Variants in XKRX observed in about 807,000 individuals in gnomAD.
XKRX encodes the protein XK-related protein 2.
Under a neutral mutation model 22.4 loss-of-function variants are expected in XKRX, and 11 were observed. That is an observed-to-expected ratio of 0.49 (90% CI 0.31 to 0.81). The LOEUF is 0.81. XKRX is among the 40% of genes least tolerant of loss of function. The pLI is 0.05. For synonymous variants in XKRX, 114 were observed against 132.2 expected, an observed-to-expected ratio of 0.86 and a Z score of 0.94; for missense variants, 320 against 336.5, an observed-to-expected ratio of 0.95 and a Z score of 0.38.
At chrX:100,897,475 C>G in the XKRX span, among the ~76,000 whole-genome samples, 103 of 105,693 alleles carry the variant, frequency 9.7e-4, no homozygotes, top group Non-Finnish European at 6.4e-4. Context: ...GTCCTGGCTA[C>G]TCGGGAGGCT....
chrX:100,907,825 T>C, the XKRX span, among the ~76,000 whole-genome samples: 3 of 111,779 alleles, frequency 2.7e-5, no homozygotes, highest in African/African-American at 6.5e-5. Context: ...ATACCAATAA[T>C]GTGTGAGAGT....
the XKRX span, chrX:100,957,402 C>T: frequency 3.3e-6 from 4 of 1,206,855 alleles, no homozygotes; most frequent in Non-Finnish European, 4.5e-6. Context: ...GACCCCCGAG[C>T]AGTACCGCAT....
chrX:100,930,464 GT>G (rs2085517923), upstream of XKRX, among the ~76,000 whole-genome samples: 2 of 109,530 alleles, frequency 1.8e-5, no homozygotes, highest in Admixed American at 2.0e-4. Context: ...GTTGTTTTTT[GT>G]TTTTTTAAGG....
the XKRX span, among the ~76,000 whole-genome samples, chrX:100,947,564 G>A: frequency 1.8e-5 from 2 of 111,988 alleles, no homozygotes; most frequent in African/African-American, 6.5e-5. Context: ...AAAAATAGCA[G>A]GGAACCAAAT....
At chrX:100,893,943 C>T in the XKRX span, among the ~76,000 whole-genome samples, 6 of 112,290 alleles carry the variant, frequency 5.3e-5, no homozygotes, top group Non-Finnish European at 1.1e-4. Context: ...AACAAACATA[C>T]ACATGTACTA....
the XKRX span, among the ~76,000 whole-genome samples, chrX:100,938,472 C>T: frequency 9.0e-6 from 1 of 110,809 alleles, no homozygotes. Context: ...CTACTAAAAA[C>T]GTAAAAATTA....
the XKRX span, among the ~76,000 whole-genome samples, chrX:100,908,415 C>G: frequency 9.0e-6 from 1 of 111,436 alleles, no homozygotes; most frequent in Non-Finnish European, 1.9e-5. Flanking sequence ...CTGCGCCCGG[C>G]CAGAATGTGT....
At chrX:100,908,106 A>AGTGTGTGTGTGTGTATGTGTGT in the XKRX span, among the ~76,000 whole-genome samples, 1 of 86,976 alleles carries the variant, frequency 1.1e-5, no homozygotes, top group African/African-American at 4.4e-5. Context: ...TCATGCATGG[A>AGTGTGTGTGTGTGTATGTGTGT]GTGTGTGTGT....
At chrX:100,900,992 G>A in the XKRX span, among the ~76,000 whole-genome samples, 16 of 109,546 alleles carry the variant, frequency 1.5e-4, no homozygotes, top group East Asian at 5.8e-4. Context: ...GGGTTTTACC[G>A]TGTTAGCCAG....
chrX:100,917,694 G>GA (rs1259843343), intron 2 of XKRX, among the ~76,000 whole-genome samples: 4 of 99,878 alleles, frequency 4.0e-5, no homozygotes, highest in African/African-American at 1.6e-4. Context: ...AAGAAAGAAA[G>GA]AAAGAAAGAA....
chrX:100,903,696 G>C, the XKRX span, among the ~76,000 whole-genome samples: 1 of 111,671 alleles, frequency 9.0e-6, no homozygotes, highest in Non-Finnish European at 1.9e-5. Context: ...ATTCCTTAAT[G>C]ACATATGATG....
In XKRX at chrX:100,917,698, G is replaced by GA. The variant is rs1310336927; in HGVS notation, c.605-2616dup. On this transcript the variant is annotated intron_variant, in intron 2 of 2. Transcript: ENST00000372956. ...GAAAAGAAAGAAAGAAAGAAAGAAA[G>GA]AAAGAAAGAAAGAAAGAAAGAAAGA... is the stretch of plus-strand genomic sequence containing the variant. Among the ~76,000 whole-genome samples the GA allele has an allele frequency of 3.8e-3, 384 of 102,168 alleles. 4 individuals carry two copies. The highest frequency in any genetic ancestry group is 0.014 in the African/African-American group (369 of 26,662). The allele number at this position is 102,168 out of a possible 115,157, so 88.7% of individuals were successfully genotyped here.
the XKRX span, among the ~76,000 whole-genome samples, chrX:100,893,780 A>G: frequency 2.9e-3 from 320 of 111,737 alleles, no homozygotes; most frequent in African/African-American, 0.01. Flanking sequence ...CATGGACATA[A>G]AGATGGGGCA....
chrX:100,928,663 C>T lies in XKRX; in HGVS notation c.-359G>A, dbSNP rs939049130. ...GAAGAGTCATGAGAACAGCGGCTTC[C>T]GTGGCGGCTCCTTTCGCAGCCCCTC... On this transcript the variant is annotated 5_prime_UTR_variant, in exon 1 of 3. Coordinates refer to ENST00000372956, the MANE Select transcript of XKRX (RefSeq NM_212559.3). The T allele has an allele frequency of 2.1e-4, 164 of 797,357 alleles. No homozygotes were observed. The highest frequency in any genetic ancestry group is 2.9e-4 in the Admixed American group (4 of 13,964). The allele number at this position is 797,357 out of a possible 1,213,427, so 65.7% of individuals were successfully genotyped here.
At chrX:100,891,804 T>A in the XKRX span, among the ~76,000 whole-genome samples, 142 of 47,165 alleles carry the variant, frequency 3.0e-3, no homozygotes, top group Middle Eastern at 0.011. Context: ...AGAAAGTAAG[T>A]TAAAAAAATT....
At chrX:100,925,333 T>G in intron 1 of XKRX, among the ~76,000 whole-genome samples, 1 of 112,454 alleles carries the variant, frequency 8.9e-6, no homozygotes, top group East Asian at 2.8e-4. Flanking sequence ...ACCCAGACTC[T>G]ACAAGCACCT....
At chrX:100,910,510 G>A (rs149128500), downstream of XKRX, among the ~76,000 whole-genome samples, 1,326 of 108,819 alleles carry the variant, frequency 0.012, 22 homozygotes, top group African/African-American at 0.042. Flanking sequence ...ACTTGAACCC[G>A]GGAGGTGGAG....
chrX:100,904,437 TATG>T, the XKRX span, among the ~76,000 whole-genome samples: 1 of 112,681 alleles, frequency 8.9e-6, no homozygotes, highest in African/African-American at 3.2e-5. Context: ...TGACATTGGA[TATG>T]ATGATGACCT....
At chrX:100,917,674 A>AAAGAAAGGAAAGAAAGAAAGAAAG (rs34196882) in intron 2 of XKRX, among the ~76,000 whole-genome samples, 1 of 25,413 alleles carries the variant, frequency 3.9e-5, no homozygotes, top group African/African-American at 1.8e-4. Context: ...AGAAAGAAAG[A>AAAGAAAGGAAAGAAAGAAAGAAAG]AAAGAAAGAA....
Sources: gnomAD v4.1 joint callset for allele counts (sites outside exome capture counted in the v4.1 genomes callset) on GRCh38, gnomAD v4.1.1 for gene constraint, MANE v1.5 for transcripts, NCBI Gene and HGNC (gene_info 2026-07-23, HGNC 2026-07-21) for gene names.